The following CACNA2D1 variants were observed in gnomAD, a reference collection of about 807,000 sequenced individuals.
The protein encoded by CACNA2D1 is voltage-dependent calcium channel subunit alpha-2/delta-1.
A neutral mutation model predicts 171.5 loss-of-function variants in CACNA2D1; 53 were observed. The observed-to-expected ratio is 0.31, with a 90% CI of 0.25 to 0.39. The LOEUF (loss-of-function observed/expected upper bound fraction) is 0.39, where lower values mean the gene tolerates loss of function less well. Among genes scored for constraint, CACNA2D1 ranks in the 10% least tolerant of loss-of-function variants. The pLI, the probability that CACNA2D1 is intolerant of heterozygous loss-of-function variation, is 1.00. For synonymous variants in CACNA2D1, 442 were observed against 443.1 expected (o/e 1.00, Z 0.03); for missense variants, 903 against 1,299.8 (o/e 0.69, Z 4.69).
intron 26 of CACNA2D1, 62 bp downstream of exon 26, chr7:81,971,715 C>A: frequency 1.1e-6 from 1 of 941,442 alleles, no homozygotes; most frequent in Non-Finnish European, 1.7e-6. Flanking sequence ...ACCCAATTTC[C>A]ACAGGAGAAA....
intron 6 of CACNA2D1, among the ~76,000 whole-genome samples, chr7:82,116,267 A>G (rs532403078): frequency 6.6e-6 from 1 of 152,212 alleles, no homozygotes; most frequent in Non-Finnish European, 1.5e-5. Flanking sequence ...GTCACAGTTC[A>G]TTCTCAGACA....
chr7:82,417,880 G>A (rs1199196996), intron 1 of CACNA2D1, among the ~76,000 whole-genome samples: 1 of 152,114 alleles, frequency 6.6e-6, no homozygotes, highest in South Asian at 2.1e-4. Context: ...ACATATTTAC[G>A]TTTTGTAAAT....
intron 1 of CACNA2D1, among the ~76,000 whole-genome samples, chr7:82,350,462 G>C (rs111498952): frequency 0.11 from 16,599 of 152,082 alleles, 1,687 homozygotes; most frequent in African/African-American, 0.26. Context: ...TCAGGAGATT[G>C]ACACCATCCT....
intron 3 of CACNA2D1, among the ~76,000 whole-genome samples, chr7:82,282,746 A>G (rs1162662296): frequency 6.6e-6 from 1 of 152,118 alleles, no homozygotes; most frequent in Non-Finnish European, 1.5e-5. Flanking sequence ...AAATATCCAA[A>G]ACAATAAAAT....
At chr7:82,101,900 A>G (rs901689622) in intron 6 of CACNA2D1, among the ~76,000 whole-genome samples, 1 of 152,204 alleles carries the variant, frequency 6.6e-6, no homozygotes, top group Non-Finnish European at 1.5e-5. Context: ...AAAGGTTAAC[A>G]TCACATACTG....
chr7:82,007,781 G>A (rs763503719), intron 15 of CACNA2D1, 25 bp from the exon 16 acceptor site: 3 of 1,336,514 alleles, frequency 2.2e-6, no homozygotes, highest in South Asian at 2.3e-5. Context: ...AGAGAGAAAG[G>A]GCAAATTAAA....
At chr7:82,014,331 T>A (rs1800161082) in intron 13 of CACNA2D1, 70 bp downstream of exon 13, 1 of 809,152 alleles carries the variant, frequency 1.2e-6, no homozygotes, top group East Asian at 2.6e-5. Context: ...TTATTTTAAA[T>A]AAGTACACCT....
chr7:82,130,527 C>T (rs1265021825), intron 5 of CACNA2D1, among the ~76,000 whole-genome samples: 2 of 151,838 alleles, frequency 1.3e-5, no homozygotes, highest in African/African-American at 4.8e-5. Context: ...CTCTTAAGAA[C>T]ATATTTGAGA....
At chr7:82,120,241 G>A (rs562567993) in intron 5 of CACNA2D1, among the ~76,000 whole-genome samples, 4 of 152,016 alleles carry the variant, frequency 2.6e-5, no homozygotes, top group Non-Finnish European at 5.9e-5. Context: ...GATGAAACAA[G>A]CCTTGCATGC....
rs925981142 is a variant in CACNA2D1, at chr7:82,064,430, T to C, written c.729-76A>G. Reference sequence around the variant, plus strand: ...TGATATTTGTTGAATTGATATTTACTGACTCTGAGACAAGGTTTTTTTCCC... The same window carrying C: ...TGATATTTGTTGAATTGATATTTACCGACTCTGAGACAAGGTTTTTTTCCC... On this transcript the variant is annotated intron_variant, in intron 8 of 38. Coordinates refer to ENST00000356860, the MANE Select transcript of CACNA2D1 (RefSeq NM_000722.4). 3 of 1,121,654 alleles carry C rather than the reference T, an allele frequency of 2.7e-6. No homozygotes were observed. In the Admixed American group the frequency reaches 5.2e-5, roughly 20 times the overall value. The allele number at this position is 1,121,654 out of a possible 1,614,324, so 69.5% of individuals were successfully genotyped here. A position where few individuals can be genotyped will look rare whatever the true frequency, so the allele number is the denominator to read the frequency against.
At chr7:82,307,732 C>A (rs893574432) in intron 3 of CACNA2D1, among the ~76,000 whole-genome samples, 3 of 152,070 alleles carry the variant, frequency 2.0e-5, no homozygotes, top group African/African-American at 7.2e-5. Context: ...CTTTGCATCT[C>A]TTTTGAGATA....
At chr7:82,042,026 T>A (rs1054048792) in intron 10 of CACNA2D1, among the ~76,000 whole-genome samples, 1 of 152,176 alleles carries the variant, frequency 6.6e-6, no homozygotes, top group Non-Finnish European at 1.5e-5. Context: ...TAACACAAAC[T>A]GATTAAATGT....
At chr7:82,409,820 AT>A (rs1489773909) in intron 1 of CACNA2D1, among the ~76,000 whole-genome samples, 3 of 152,156 alleles carry the variant, frequency 2.0e-5, no homozygotes, top group African/African-American at 7.2e-5. Context: ...TTGTTAGGCG[AT>A]TTTGTCATTG....
At chr7:82,258,455 G>A (rs1351321150) in intron 3 of CACNA2D1, among the ~76,000 whole-genome samples, 3 of 152,048 alleles carry the variant, frequency 2.0e-5, no homozygotes, top group Non-Finnish European at 4.4e-5. Flanking sequence ...AGTATTCCTG[G>A]CAGGTCCATC....
At chr7:82,174,570 T>A (rs938681848) in intron 3 of CACNA2D1, among the ~76,000 whole-genome samples, 2 of 152,070 alleles carry the variant, frequency 1.3e-5, no homozygotes, top group African/African-American at 4.8e-5. Flanking sequence ...AAGCTTATGC[T>A]CCTTCCACAA....
rs949781123 is a variant in CACNA2D1, at chr7:82,265,900, G to A, written c.294+69235C>T. ...ATATTTTTGGTAACTTATTTTATTG[G>A]TCTAATCTCAATAAAGAACCTATAT... On this transcript the variant is annotated intron_variant, in intron 3 of 38. Coordinates refer to ENST00000356860, the MANE Select transcript of CACNA2D1 (RefSeq NM_000722.4). Among the ~76,000 whole-genome samples, 7 of 151,850 alleles carry A rather than the reference G, an allele frequency of 4.6e-5. No homozygotes were observed. The South Asian group carries it at 1.5e-3, about 32-fold the overall frequency.
intron 1 of CACNA2D1, among the ~76,000 whole-genome samples, chr7:82,421,658 T>A (rs1828726239): frequency 6.6e-6 from 1 of 152,158 alleles, no homozygotes. Context: ...TTCATCACAG[T>A]TGATGATTGC....
chr7:82,231,636 G>T (rs898573985), intron 3 of CACNA2D1, among the ~76,000 whole-genome samples: 16 of 151,712 alleles, frequency 1.1e-4, no homozygotes, highest in African/African-American at 3.4e-4. Flanking sequence ...AAATGTACTA[G>T]ATCAGATTTT....
chr7:82,006,966 T>C lies in CACNA2D1; in HGVS notation c.1440+713A>G, dbSNP rs182423469. ...TCACCTACATTATAAAATCAGTTTC[T>C]AGTATTAAAAAAGTCTTAACTTCAA... On this transcript the variant is annotated intron_variant, in intron 16 of 38. Coordinates refer to ENST00000356860, the MANE Select transcript of CACNA2D1 (RefSeq NM_000722.4). Among the ~76,000 whole-genome samples, 4 of 152,252 alleles carry C rather than the reference T, an allele frequency of 2.6e-5. No homozygotes were observed. The East Asian group carries it at 7.7e-4, about 29-fold the overall frequency.
Sources: gnomAD v4.1 joint callset for allele counts (sites outside exome capture counted in the v4.1 genomes callset) on GRCh38, gnomAD v4.1.1 for gene constraint, MANE v1.5 for transcripts, NCBI Gene and HGNC (gene_info 2026-07-23, HGNC 2026-07-21) for gene names.